CEP76: variants seen among roughly 807,000 people sequenced by gnomAD.
CEP76 encodes the protein centrosomal protein of 76 kDa.
CEP76 carries 55 observed loss-of-function variants against 83.3 expected under a neutral mutation model. The ratio of observed to expected loss-of-function variants is 0.66; its 90% CI spans 0.53 to 0.83. The LOEUF (loss-of-function observed/expected upper bound fraction) is 0.83, where lower values mean the gene tolerates loss of function less well. Ranked by LOEUF, CEP76 falls within the 40% of genes least tolerant of loss-of-function variation. The pLI, the probability that CEP76 is intolerant of heterozygous loss-of-function variation, is 0.00. For missense variants in CEP76, 694 were observed against 799.5 expected, an observed-to-expected ratio of 0.87 and a Z score of 1.59; for synonymous variants, 270 against 274.5, an observed-to-expected ratio of 0.98 and a Z score of 0.16.
chr18:12,675,734 T>C (rs2039102140), intron 10 of CEP76, among the ~76,000 whole-genome samples: 2 of 152,084 alleles, frequency 1.3e-5, no homozygotes, highest in Non-Finnish European at 2.9e-5. Context: ...AGTGGCGCGA[T>C]CTCGGCTCAC....
intron 8 of CEP76, among the ~76,000 whole-genome samples, chr18:12,683,713 T>TGCA (rs1359663575): frequency 2.0e-5 from 3 of 151,770 alleles, no homozygotes; most frequent in Admixed American, 6.6e-5. Flanking sequence ...ATCATGCCAT[T>TGCA]GCACTCCAGC....
chr18:12,692,547 TC>T (rs1045265819), intron 6 of CEP76, among the ~76,000 whole-genome samples: 3 of 151,002 alleles, frequency 2.0e-5, no homozygotes, highest in African/African-American at 7.3e-5. Flanking sequence ...GCTGGTTACT[TC>T]CTGTTGTTCA....
downstream of CEP76, among the ~76,000 whole-genome samples, chr18:12,668,316 G>A (rs184681006): frequency 2.4e-3 from 370 of 151,834 alleles, 8 homozygotes; most frequent in East Asian, 9.7e-4. Flanking sequence ...TGGAGGCTGG[G>A]TGCCGTCGCA....
Position 12,687,333 on chromosome 18 carries a change from A to G in CEP76, c.934-883T>C, listed in dbSNP as rs79820370. ...AATATAGTCCCATACTTTAGCAAGG[A>G]AAAAAAAACTCACTTATTTACATTT... On this transcript the variant is annotated intron_variant, in intron 7 of 11. Coordinates refer to ENST00000262127, the MANE Select transcript of CEP76 (RefSeq NM_024899.4). Among the ~76,000 whole-genome samples the G allele has an allele frequency of 1.5e-3, 225 of 151,868 alleles. 1 individual carries two copies. Among genetic ancestry groups the G allele is most frequent in the African/African-American group, 5.1e-3 (210 of 41,410 alleles).
chr18:12,697,638 G>C (rs939645079), intron 4 of CEP76, among the ~76,000 whole-genome samples: 1 of 152,174 alleles, frequency 6.6e-6, no homozygotes, highest in Non-Finnish European at 1.5e-5. Flanking sequence ...GTAACTTACA[G>C]CATATCAGTG....
At chr18:12,690,948 C>T (rs558945073) in intron 7 of CEP76, among the ~76,000 whole-genome samples, 4 of 151,346 alleles carry the variant, frequency 2.6e-5, no homozygotes, top group Non-Finnish European at 4.4e-5. Context: ...AGCCCCCCCC[C>T]GTTCTGCACA....
At chr18:12,685,802 T>G (rs2039520315) in intron 8 of CEP76, 1 of 152,630 alleles carries the variant, frequency 6.6e-6, no homozygotes, top group South Asian at 2.1e-4. Flanking sequence ...CAGATAATTT[T>G]TTGTATTTTA....
At chr18:12,697,571 A>T (rs193083149) in intron 4 of CEP76, among the ~76,000 whole-genome samples, 163 bp from the exon 5 acceptor site, 2 of 152,384 alleles carry the variant, frequency 1.3e-5, no homozygotes, top group African/African-American at 2.4e-5. Context: ...ATACAAGTAC[A>T]GTCCTATTTC....
At chr18:12,681,858 T>C (rs1306187596) in intron 8 of CEP76, among the ~76,000 whole-genome samples, 1 of 151,976 alleles carries the variant, frequency 6.6e-6, no homozygotes, top group Non-Finnish European at 1.5e-5. Context: ...TAGCTGGGTA[T>C]GGTGGTGTGT....
rs1029078282 is a variant in CEP76, at chr18:12,673,116, T to C, written c.*249A>G. 1.9e-6 allele frequency: 2 copies of C among 1,057,980 alleles called. No homozygotes were observed. Among genetic ancestry groups the C allele is most frequent in the Admixed American group, 4.8e-5 (1 of 20,888 alleles). 65.5% of individuals were successfully genotyped at this position (1,057,980 alleles called of 1,614,324 possible). A position where few individuals can be genotyped will look rare whatever the true frequency, so the allele number is the denominator to read the frequency against. Reference sequence around the variant, plus strand: ...ACTGATAACTGTAAACAAAGTAGCATTTATTAAAATAGAATATACACTTAA... The same window carrying C: ...ACTGATAACTGTAAACAAAGTAGCACTTATTAAAATAGAATATACACTTAA... On this transcript the variant is annotated 3_prime_UTR_variant, in exon 12 of 12. Transcript: ENST00000262127.
In CEP76 at chr18:12,674,479, C is replaced by T. The variant is rs948375693; in HGVS notation, c.1841+57G>A. The T allele has an allele frequency of 1.5e-5, 20 of 1,320,916 alleles. No individual in the cohort carries two copies. The African/African-American group carries it at 1.9e-4, about 13-fold the overall frequency. 81.8% of individuals were successfully genotyped at this position (1,320,916 alleles called of 1,614,324 possible). The stretch of plus-strand genomic sequence containing the variant: ...AAAAGGAAATTAAAAAAACCCCTGC[C>T]GGACTGATCTGTAAGACTCCTAAAC... On this transcript the variant is annotated intron_variant, in intron 11 of 11. Coordinates refer to ENST00000262127, the MANE Select transcript of CEP76 (RefSeq NM_024899.4).
chr18:12,671,642 CTTTTTTTTTTTTT>C (rs869130220), downstream of CEP76, among the ~76,000 whole-genome samples: 7 of 55,544 alleles, frequency 1.3e-4, no homozygotes, highest in South Asian at 5.5e-4. Flanking sequence ...TTCACACTTT[CTTTTTTTTTTTTT>C]TTTTTTTTTT....
Position 12,697,501 on chromosome 18 carries a change from T to C in CEP76, c.521-93A>G, listed in dbSNP as rs913242606. 5 of 879,500 alleles carry C rather than the reference T, an allele frequency of 5.7e-6. No homozygotes were observed. The Admixed American group carries it at 9.5e-5, about 17-fold the overall frequency. The allele number at this position is 879,500 out of a possible 1,614,324, so 54.5% of individuals were successfully genotyped here. A position where few individuals can be genotyped will look rare whatever the true frequency, so the allele number is the denominator to read the frequency against. On this transcript the variant is annotated intron_variant, in intron 4 of 11. Transcript: ENST00000262127. ...TTTTATTAAACAGTAAATAATAAGC[T>C]TATATAAAACCAAAGAGAACAATTT...
chr18:12,686,465 A>T lies in CEP76; in HGVS notation c.934-15T>A. ...CCATTTTCATCCTAGGGAAAAGGGGAAAAACATCTGTAATGACATATTAAT... is the reference window on the plus strand; with the variant it reads ...CCATTTTCATCCTAGGGAAAAGGGGTAAAACATCTGTAATGACATATTAAT... On this transcript the variant is annotated splice_polypyrimidine_tract_variant and intron_variant, in intron 7 of 11. Coordinates refer to ENST00000262127, the MANE Select transcript of CEP76 (RefSeq NM_024899.4). The T allele has an allele frequency of 1.3e-6, 2 of 1,572,026 alleles. No homozygotes were observed. Among genetic ancestry groups the T allele is most frequent in the Non-Finnish European group, 1.7e-6 (2 of 1,148,636 alleles).
rs45541436 is a variant in CEP76, at chr18:12,699,287, C to A, written c.296-84G>T. The A allele has an allele frequency of 0.11, 107,243 of 960,768 alleles. 7,023 individuals are homozygous for A. Among genetic ancestry groups the A allele is most frequent in the Non-Finnish European group, 0.13 (82,970 of 639,114 alleles). 59.5% of individuals were successfully genotyped at this position (960,768 alleles called of 1,614,324 possible). A position where few individuals can be genotyped will look rare whatever the true frequency, so the allele number is the denominator to read the frequency against. On this transcript the variant is annotated intron_variant, in intron 3 of 11. Coordinates refer to ENST00000262127, the MANE Select transcript of CEP76 (RefSeq NM_024899.4). ...AAGACATTAGGAAATAAAAACTTGA[C>A]AGATAAAAACCCAATACCAAAGACT...
At chr18:12,671,480 C>T (rs1020823031), downstream of CEP76, among the ~76,000 whole-genome samples, 10 of 151,968 alleles carry the variant, frequency 6.6e-5, no homozygotes, top group Admixed American at 4.6e-4. Context: ...GAACTATGCA[C>T]AGAAGTGCTA....
At chr18:12,700,510 G>C (rs1447499321) in intron 2 of CEP76, 1 of 154,030 alleles carries the variant, frequency 6.5e-6, no homozygotes, top group Non-Finnish European at 1.4e-5. Context: ...TGTATTAAAA[G>C]ATTTGAGGAC....
At chr18:12,670,256 C>G (rs979408775), downstream of CEP76, among the ~76,000 whole-genome samples, 7 of 150,176 alleles carry the variant, frequency 4.7e-5, no homozygotes, top group Admixed American at 2.0e-4. Flanking sequence ...CTTGAACCTG[C>G]GAGGTGGAGG....
intron 7 of CEP76, among the ~76,000 whole-genome samples, chr18:12,687,486 C>T (rs1009748180): frequency 1.4e-5 from 2 of 145,058 alleles, no homozygotes; most frequent in Non-Finnish European, 3.0e-5. Flanking sequence ...GACAGAGTCT[C>T]GCTGTTGTCC....
Sources: gnomAD v4.1 joint callset for allele counts (sites outside exome capture counted in the v4.1 genomes callset) on GRCh38, gnomAD v4.1.1 for gene constraint, MANE v1.5 for transcripts, NCBI Gene and HGNC (gene_info 2026-07-23, HGNC 2026-07-21) for gene names.